PREX2: variants seen among roughly 807,000 people sequenced by gnomAD.
The protein encoded by PREX2 is phosphatidylinositol-3,4,5-trisphosphate dependent Rac exchange factor 2, also known as phosphatidylinositol 3,4,5-trisphosphate-dependent Rac exchanger 2 protein.
In PREX2, 107 loss-of-function variants were observed where a neutral mutation model predicts 203.2. The observed-to-expected ratio is 0.53, with a 90% confidence interval of 0.45 to 0.62. PREX2 has a LOEUF of 0.62. PREX2 is among the 20% of genes least tolerant of loss of function. The pLI is 0.00. For missense variants in PREX2, 1,777 were observed against 1,955.9 expected (o/e 0.91, Z 1.72); for synonymous variants, 672 against 663.6 (o/e 1.01, Z -0.19).
At chr8:68,079,123 C>T (rs1368854181) in intron 15 of PREX2, among the ~76,000 whole-genome samples, 1 of 152,128 alleles carries the variant, frequency 6.6e-6, no homozygotes, top group Admixed American at 6.5e-5. Context: ...GAGTTCGAGA[C>T]CAGCCTGGAC....
intron 19 of PREX2, among the ~76,000 whole-genome samples, chr8:68,089,255 G>T (rs1041866813): frequency 6.6e-6 from 1 of 151,412 alleles, no homozygotes; most frequent in Non-Finnish European, 1.5e-5. Flanking sequence ...TCTCCCAATT[G>T]ACTGTCTTCT....
At chr8:68,116,649 T>C (rs1004623712) in intron 26 of PREX2, among the ~76,000 whole-genome samples, 1 of 152,198 alleles carries the variant, frequency 6.6e-6, no homozygotes, top group Non-Finnish European at 1.5e-5. Flanking sequence ...TCCCTCCATA[T>C]GTGTCTTGTG....
chr8:67,981,562 T>C (rs192243472), intron 1 of PREX2, among the ~76,000 whole-genome samples: 22 of 152,302 alleles, frequency 1.4e-4, no homozygotes, highest in African/African-American at 5.3e-4. Flanking sequence ...AACAGGAAAC[T>C]AAACAAGACC....
chr8:68,174,042 A>G (rs1020255174), intron 35 of PREX2, among the ~76,000 whole-genome samples: 1 of 152,238 alleles, frequency 6.6e-6, no homozygotes, highest in Non-Finnish European at 1.5e-5. Flanking sequence ...AGGACAATCC[A>G]TCTTAAAAAT....
intron 33 of PREX2, among the ~76,000 whole-genome samples, chr8:68,142,346 C>T (rs1173068054): frequency 6.6e-6 from 1 of 152,134 alleles, no homozygotes; most frequent in East Asian, 1.9e-4. Context: ...CTACTTTCTC[C>T]ATAGTTTTGC....
intron 23 of PREX2, chr8:68,102,964 T>A: frequency 1.9e-6 from 1 of 516,842 alleles, no homozygotes; most frequent in South Asian, 1.4e-5. Context: ...GGAGGAACAC[T>A]TTCTCCTTAA....
intron 18 of PREX2, among the ~76,000 whole-genome samples, chr8:68,084,013 G>A (rs761721141): frequency 5.0e-4 from 76 of 152,054 alleles, no homozygotes; most frequent in Non-Finnish European, 7.1e-4. Flanking sequence ...ATTAACTAAA[G>A]TTTTTAAAGT....
intron 1 of PREX2, among the ~76,000 whole-genome samples, chr8:67,991,098 C>T (rs1004802859): frequency 6.6e-6 from 1 of 152,176 alleles, no homozygotes; most frequent in Non-Finnish European, 1.5e-5. Context: ...TATGGAGGCA[C>T]TGGGCTATAT....
chr8:68,070,864 T>C (rs1809173329), intron 13 of PREX2, among the ~76,000 whole-genome samples: 1 of 152,092 alleles, frequency 6.6e-6, no homozygotes, highest in Non-Finnish European at 1.5e-5. Context: ...GAAAGCAGGA[T>C]CTTACCCACA....
intron 1 of PREX2, among the ~76,000 whole-genome samples, chr8:67,991,729 A>G (rs1044927777): frequency 1.3e-5 from 2 of 152,138 alleles, no homozygotes; most frequent in African/African-American, 4.8e-5. Flanking sequence ...ACAAAGTCTA[A>G]CCATATCAAT....
At chr8:68,040,051 G>T (rs994537922) in intron 7 of PREX2, among the ~76,000 whole-genome samples, 38 of 152,250 alleles carry the variant, frequency 2.5e-4, no homozygotes, top group African/African-American at 8.7e-4. Flanking sequence ...TTGAGACAGG[G>T]TCTTGCTCTG....
At chr8:68,118,497 G>C (rs772741109) in intron 26 of PREX2, 53 bp from the exon 27 acceptor site, 2 of 1,147,812 alleles carry the variant, frequency 1.7e-6, no homozygotes, top group Non-Finnish European at 2.6e-6. Flanking sequence ...AGAAATTGCA[G>C]GGACACCTGG....
chr8:67,952,616 G>A, intron 1 of PREX2, 81 bp downstream of exon 1: 1 of 1,538,414 alleles, frequency 6.5e-7, no homozygotes. Context: ...AAGGACGCGC[G>A]GCATTGTCTG....
chr8:68,090,507 A>C, intron 19 of PREX2, 72 bp from the exon 20 acceptor site: 1 of 1,326,882 alleles, frequency 7.5e-7, no homozygotes, highest in Non-Finnish European at 1.0e-6. Flanking sequence ...TGCTTCCATA[A>C]TTGTATATAT....
chr8:68,117,018 T>G (rs542231232), intron 26 of PREX2, among the ~76,000 whole-genome samples: 1 of 152,336 alleles, frequency 6.6e-6, no homozygotes, highest in South Asian at 2.1e-4. Context: ...TCAACATATT[T>G]TTCATTTATA....
chr8:68,230,347 C>G (rs1813142070), intron 39 of PREX2, among the ~76,000 whole-genome samples: 2 of 152,158 alleles, frequency 1.3e-5, no homozygotes, highest in Non-Finnish European at 2.9e-5. Flanking sequence ...TGAAAAGATG[C>G]CATGTGGAAA....
intron 1 of PREX2, among the ~76,000 whole-genome samples, chr8:67,967,380 G>T (rs957639444): frequency 6.6e-6 from 1 of 152,144 alleles, no homozygotes; most frequent in African/African-American, 2.4e-5. Flanking sequence ...TTTTAAAGGT[G>T]CAATCTTTAA....
chr8:68,087,880 G>T, intron 19 of PREX2, 71 bp downstream of exon 19: 1 of 949,362 alleles, frequency 1.1e-6, no homozygotes, highest in South Asian at 1.3e-5. Context: ...ACAGGAATGT[G>T]TTTAAAATAG....
At chr8:68,056,307 CATGT>C (rs1808679608) in intron 10 of PREX2, among the ~76,000 whole-genome samples, 2 of 151,968 alleles carry the variant, frequency 1.3e-5, no homozygotes, top group Admixed American at 6.6e-5. Context: ...TGGGCACAGA[CATGT>C]ATACACATGG....
Sources: allele counts gnomAD v4.1 joint callset (sites outside exome capture counted in the v4.1 genomes callset), GRCh38; gene constraint gnomAD v4.1.1; transcripts MANE v1.5; gene names NCBI Gene and HGNC (gene_info 2026-07-23, HGNC 2026-07-21).